Variants in MID1 observed in about 807,000 individuals in gnomAD.
The protein encoded by MID1 is midline 1.
In MID1, 7 loss-of-function variants were observed where a neutral mutation model predicts 40.4. The observed-to-expected ratio is 0.17, with a 90% CI of 0.10 to 0.33. The LOEUF is 0.33. MID1 is among the 10% of genes least tolerant of loss of function. MID1 has a pLI of 1.00. For synonymous variants in MID1, 229 were observed against 221.2 expected (o/e 1.04, Z -0.31); for missense variants, 367 against 558.5 (o/e 0.66, Z 3.46).
rs933913683 is a variant in MID1 at position 10,474,193 on chromosome X, C to T, written c.1141+430G>A. On this transcript the variant is annotated intron_variant, in intron 6 of 9. Coordinates refer to ENST00000317552, the MANE Select transcript of MID1 (RefSeq NM_000381.4). ...CAAAATGGGGATTATAATGCTTTAC[C>T]TCAACTCGATGTTGTGCAAATTAAA... 4.5e-5 allele frequency among the ~76,000 whole-genome samples: 5 copies of T among 111,672 alleles called. No individual in the cohort carries two copies. In the East Asian group the frequency reaches 1.4e-3, roughly 31 times the overall value.
At chrX:10,716,290 C>A (rs2043302591) in intron 1 of MID1, among the ~76,000 whole-genome samples, 1 of 111,368 alleles carries the variant, frequency 9.0e-6, no homozygotes, top group South Asian at 3.8e-4. Context: ...AAGTTAAAAA[C>A]CTTGAAAAAA....
intron 1 of MID1, among the ~76,000 whole-genome samples, chrX:10,678,144 G>A (rs898785514): frequency 1.8e-5 from 2 of 111,184 alleles, no homozygotes; most frequent in Non-Finnish European, 3.8e-5. Context: ...TTTGTTATAC[G>A]CAATTTAAGA....
rs149710953 is a variant in MID1, at chrX:10,515,204, A to T, written c.756+7888T>A. On this transcript the variant is annotated intron_variant, in intron 3 of 9. Transcript: ENST00000317552. ...AATGGTTCATCTTTCTTTTTAACCC[A>T]GTGATTTTTCATTATTTCAAAGTTT... is the stretch of plus-strand genomic sequence containing the variant. Among the ~76,000 whole-genome samples the T allele has an allele frequency of 7.4e-3, 832 of 112,462 alleles. 9 individuals are homozygous for T. Among genetic ancestry groups the T allele is most frequent in the African/African-American group, 0.025 (767 of 30,961 alleles).
chrX:10,769,800 T>C (rs927296679), intron 1 of MID1, among the ~76,000 whole-genome samples: 2 of 111,317 alleles, frequency 1.8e-5, no homozygotes, highest in Admixed American at 9.6e-5. Context: ...GCAAGGATAA[T>C]TGAGTGACGA....
At chrX:10,616,809 CAT>C (rs1228946314) in intron 1 of MID1, among the ~76,000 whole-genome samples, 29 of 112,902 alleles carry the variant, frequency 2.6e-4, no homozygotes, top group Admixed American at 2.8e-4. Flanking sequence ...AAAATTTTAA[CAT>C]ATGTTGAAGA....
At chrX:10,737,674 A>G (rs754791763) in intron 1 of MID1, among the ~76,000 whole-genome samples, 1 of 106,755 alleles carries the variant, frequency 9.4e-6, no homozygotes, top group African/African-American at 3.4e-5. Context: ...GAAAGAGAAG[A>G]GAGAAGAAGG....
chrX:10,790,892 G>A (rs111631541), intron 1 of MID1, among the ~76,000 whole-genome samples: 5,210 of 111,679 alleles, frequency 0.047, 270 homozygotes, highest in African/African-American at 0.16. Flanking sequence ...GTATATATAC[G>A]TGTGTTTGTA....
intron 1 of MID1, among the ~76,000 whole-genome samples, chrX:10,604,356 G>A (rs1187994032): frequency 9.0e-6 from 1 of 111,640 alleles, no homozygotes; most frequent in Non-Finnish European, 1.9e-5. Flanking sequence ...AACACAGGCA[G>A]TATGTACTTT....
intron 2 of MID1, among the ~76,000 whole-genome samples, chrX:10,529,313 G>A (rs1178504379): frequency 1.8e-5 from 2 of 111,812 alleles, no homozygotes; most frequent in East Asian, 5.6e-4. Flanking sequence ...CAATTTAGTA[G>A]TACATAGCTA....
chrX:10,804,573 C>T (rs1337012736), intron 1 of MID1, among the ~76,000 whole-genome samples: 3 of 111,197 alleles, frequency 2.7e-5, no homozygotes, highest in Non-Finnish European at 3.8e-5. Context: ...TGAGTATTTC[C>T]GTTATTTTGC....
chrX:10,638,721 TG>T (rs1353477774), intron 1 of MID1, among the ~76,000 whole-genome samples: 4 of 112,330 alleles, frequency 3.6e-5, no homozygotes, highest in African/African-American at 6.5e-5. Context: ...AGTGGGTCCC[TG>T]ACCCCCAAGT....
intron 1 of MID1, among the ~76,000 whole-genome samples, chrX:10,662,299 T>G (rs1010677346): frequency 1.2e-4 from 13 of 111,109 alleles, no homozygotes; most frequent in African/African-American, 4.3e-4. Flanking sequence ...AGCCAAACAC[T>G]GTCTCAAAAC....
At chrX:10,588,723 T>C (rs1295343925) in intron 1 of MID1, among the ~76,000 whole-genome samples, 1 of 110,765 alleles carries the variant, frequency 9.0e-6, no homozygotes, top group Admixed American at 9.6e-5. Flanking sequence ...GCCAGCCGCT[T>C]ATGCTGCTGT....
At chrX:10,465,510 G>A (rs7053328) in intron 7 of MID1, among the ~76,000 whole-genome samples, 5,657 of 110,148 alleles carry the variant, frequency 0.051, 357 homozygotes, top group African/African-American at 0.18. Context: ...AGGCGAAGGC[G>A]AAGGGAGTTT....
At chrX:10,682,903 C>T (rs932996303) in intron 1 of MID1, among the ~76,000 whole-genome samples, 4 of 111,344 alleles carry the variant, frequency 3.6e-5, no homozygotes, top group South Asian at 3.8e-4. Context: ...GAGAGCAATC[C>T]ACAGGCAAAG....
chrX:10,777,951 C>T (rs1351330973), intron 1 of MID1, among the ~76,000 whole-genome samples: 1 of 111,791 alleles, frequency 8.9e-6, no homozygotes, highest in Admixed American at 9.6e-5. Context: ...GAGGCAATAA[C>T]ATGCGTGGTG....
chrX:10,766,175 C>T (rs2043727583), intron 1 of MID1, among the ~76,000 whole-genome samples: 2 of 111,679 alleles, frequency 1.8e-5, no homozygotes, highest in Admixed American at 9.5e-5. Flanking sequence ...AAGGCCCCAT[C>T]GGCTCTGCCT....
At chrX:10,454,809 CTAAGTACAGAATGAGATGTGCCTTTTTA>C in intron 9 of MID1, 33 bp downstream of exon 9, 1 of 997,200 alleles carries the variant, frequency 1.0e-6, no homozygotes, top group Non-Finnish European at 1.4e-6. Context: ...GGTTGACTCT[CTAAGTACAGAATGAGATGTGCCTTTTTA>C]TAACTGCAGG....
At chrX:10,784,448 T>C (rs866129202) in intron 1 of MID1, among the ~76,000 whole-genome samples, 1,064 of 99,867 alleles carry the variant, frequency 0.011, 17 homozygotes, top group African/African-American at 0.037. Flanking sequence ...ATTTTCTTTT[T>C]TTTTTTTTTT....
Sources: gnomAD v4.1 joint callset for allele counts (sites outside exome capture counted in the v4.1 genomes callset) on GRCh38, gnomAD v4.1.1 for gene constraint, MANE v1.5 for transcripts, NCBI Gene and HGNC (gene_info 2026-07-23, HGNC 2026-07-21) for gene names.